Variants in SNX13 observed in about 807,000 individuals in gnomAD.
SNX13 encodes the protein sorting nexin-13.
Under a neutral mutation model 133.6 loss-of-function variants are expected in SNX13, and 45 were observed. That is an observed-to-expected ratio of 0.34 (90% CI 0.27 to 0.43). The LOEUF is 0.43. SNX13 is among the 20% of genes least tolerant of loss of function. SNX13 has a pLI of 1.00. For missense variants in SNX13, 1,032 were observed against 1,145.1 expected (o/e 0.90, Z 1.43); for synonymous variants, 414 against 373.9 (o/e 1.11, Z -1.24).
At chr7:17,849,295 T>C (rs1790923731) in intron 11 of SNX13, among the ~76,000 whole-genome samples, 2 of 152,322 alleles carry the variant, frequency 1.3e-5, no homozygotes, top group Admixed American at 1.3e-4. Context: ...TTATTTTTTC[T>C]TTCTCACCCC....
At chr7:17,846,081 C>G (rs1473305341) in intron 11 of SNX13, among the ~76,000 whole-genome samples, 1 of 152,054 alleles carries the variant, frequency 6.6e-6, no homozygotes, top group Non-Finnish European at 1.5e-5. Flanking sequence ...TGTATAAAGT[C>G]TATTTACTAC....
At chr7:17,918,260 A>G (rs1799764668) in intron 1 of SNX13, among the ~76,000 whole-genome samples, 1 of 152,320 alleles carries the variant, frequency 6.6e-6, no homozygotes, top group East Asian at 1.9e-4. Flanking sequence ...CAAATGCAAC[A>G]ATACCAAAAA....
intron 5 of SNX13, chr7:17,888,878 C>T: frequency 2.9e-6 from 1 of 349,954 alleles, no homozygotes. Context: ...CACTTGCTCA[C>T]AGTCCCATAG....
chr7:17,853,714 C>T lies in SNX13; in HGVS notation c.838-2750G>A, dbSNP rs188005209. ...ATCCCAACACTTTGGGAGGCTGAGG[C>T]GGGTGGATCACAAGATCAGGAGTTC... On this transcript the variant is annotated intron_variant, in intron 9 of 25. Transcript: ENST00000428135. Among the ~76,000 whole-genome samples the T allele has an allele frequency of 4.0e-3, 603 of 152,174 alleles. 2 individuals are homozygous for T. Among genetic ancestry groups the T allele is most frequent in the African/African-American group, 0.014 (571 of 41,534 alleles).
intron 9 of SNX13, among the ~76,000 whole-genome samples, chr7:17,858,961 T>A (rs1352609409): frequency 6.6e-6 from 1 of 152,102 alleles, no homozygotes; most frequent in Non-Finnish European, 1.5e-5. Flanking sequence ...AAATGTGAGA[T>A]AAATCATAGA....
intron 4 of SNX13, among the ~76,000 whole-genome samples, chr7:17,891,020 T>C (rs992871484): frequency 6.6e-6 from 1 of 151,914 alleles, no homozygotes; most frequent in African/African-American, 2.4e-5. Flanking sequence ...ACTCAATGTA[T>C]AATTTTTACA....
At chr7:17,926,610 G>A (rs1254784770) in intron 1 of SNX13, among the ~76,000 whole-genome samples, 1 of 152,126 alleles carries the variant, frequency 6.6e-6, no homozygotes. Context: ...TCCAGACCAG[G>A]CACAGTGGCT....
rs866109137 is a variant in SNX13 at position 17,826,061 on chromosome 7, C to A, written c.1666G>T (p.Asp556Tyr). 2.6e-6 allele frequency: 4 copies of A among 1,552,026 alleles called. No homozygotes were observed. The highest frequency in any genetic ancestry group is 1.2e-5 in the South Asian group (1 of 81,374). ...TAGGCATGAAGTTGTACTGAGTCAT[C>A]AGAAGAAACATTTGAAAGGTCATCT... is the stretch of plus-strand genomic sequence containing the variant. ...SLDDLSNVSS[D>Y]DSVQLHAYIS... Residue 556 changes from aspartate (D) to tyrosine (Y), a missense_variant, in exon 17 of 26, where the codon GAT becomes TAT. Transcript: ENST00000428135.
intron 1 of SNX13, among the ~76,000 whole-genome samples, chr7:17,913,994 C>T (rs757690532): frequency 6.6e-6 from 1 of 151,818 alleles, no homozygotes; most frequent in Admixed American, 6.6e-5. Flanking sequence ...AAATCCAACA[C>T]AAAGAAGCCA....
intron 9 of SNX13, among the ~76,000 whole-genome samples, chr7:17,856,188 A>C (rs1420722182): frequency 6.6e-6 from 1 of 152,256 alleles, no homozygotes; most frequent in East Asian, 1.9e-4. Context: ...TTAAAGTTTA[A>C]AGTTCTTTAC....
chr7:17,904,496 G>C (rs557671347), intron 1 of SNX13, among the ~76,000 whole-genome samples: 61 of 151,748 alleles, frequency 4.0e-4, no homozygotes, highest in Middle Eastern at 3.4e-3. Flanking sequence ...GTGGAGAGTG[G>C]GGGTTAAGTG....
intron 1 of SNX13, among the ~76,000 whole-genome samples, chr7:17,933,617 T>A (rs185823404): frequency 2.6e-5 from 4 of 151,092 alleles, no homozygotes; most frequent in African/African-American, 9.7e-5. Flanking sequence ...CAAGAAACTA[T>A]CCCCTTTTTT....
chr7:17,845,137 AGT>A (rs1790336929), intron 12 of SNX13, among the ~76,000 whole-genome samples: 1 of 135,018 alleles, frequency 7.4e-6, no homozygotes, highest in African/African-American at 2.6e-5. Flanking sequence ...GGGAGAAGCA[AGT>A]GTGTGCGTGT....
At chr7:17,837,205 G>A (rs565294863) in intron 13 of SNX13, among the ~76,000 whole-genome samples, 3 of 151,886 alleles carry the variant, frequency 2.0e-5, no homozygotes, top group Non-Finnish European at 4.4e-5. Context: ...ATATGATCAC[G>A]GTTCACTGCA....
At chr7:17,916,803 A>C (rs1448750521) in intron 1 of SNX13, among the ~76,000 whole-genome samples, 3 of 152,172 alleles carry the variant, frequency 2.0e-5, no homozygotes, top group African/African-American at 7.2e-5. Context: ...TTCCTCCCTA[A>C]CTCATTCTAC....
intron 5 of SNX13, among the ~76,000 whole-genome samples, chr7:17,887,868 CA>C (rs1393300024): frequency 6.7e-6 from 1 of 149,548 alleles, no homozygotes; most frequent in Non-Finnish European, 1.5e-5. Flanking sequence ...AAAAAAAAAC[CA>C]CAGTTTTTTT....
At chr7:17,918,928 A>G (rs1396799019) in intron 1 of SNX13, among the ~76,000 whole-genome samples, 1 of 152,224 alleles carries the variant, frequency 6.6e-6, no homozygotes, top group African/African-American at 2.4e-5. Flanking sequence ...GAATGAAATC[A>G]TGTCCTTTGC....
intron 13 of SNX13, among the ~76,000 whole-genome samples, chr7:17,837,546 A>G (rs1283211034): frequency 1.3e-5 from 2 of 152,074 alleles, no homozygotes; most frequent in Non-Finnish European, 2.9e-5. Flanking sequence ...CTCCAAAAAA[A>G]GTCCAAAAAC....
chr7:17,855,980 G>A (rs186315332), intron 9 of SNX13, among the ~76,000 whole-genome samples: 1 of 152,272 alleles, frequency 6.6e-6, no homozygotes, highest in Non-Finnish European at 1.5e-5. Context: ...CATGATTCAT[G>A]GGATGAGGTC....
Sources: gnomAD v4.1 joint callset for allele counts (sites outside exome capture counted in the v4.1 genomes callset) on GRCh38, gnomAD v4.1.1 for gene constraint, MANE v1.5 for transcripts, NCBI Gene and HGNC (gene_info 2026-07-23, HGNC 2026-07-21) for gene names.